Variants in KNTC1 observed in about 807,000 individuals in gnomAD.
KNTC1 encodes kinetochore associated 1.
In KNTC1, 253 loss-of-function variants were observed where a neutral mutation model predicts 314.4. That is an observed-to-expected ratio of 0.80 (90% CI 0.73 to 0.89). The LOEUF (loss-of-function observed/expected upper bound fraction) is 0.89. KNTC1 is among the 40% of genes least tolerant of loss of function. The pLI is 0.00. For missense variants in KNTC1, 2,475 were observed against 2,572.9 expected, an observed-to-expected ratio of 0.96 and a Z score of 0.82; for synonymous variants, 901 against 901.4, an observed-to-expected ratio of 1.00 and a Z score of 0.01.
intron 7 of KNTC1, 26 bp from the exon 8 acceptor site, chr12:122,544,133 T>C (rs1385177793): frequency 3.2e-6 from 3 of 931,738 alleles, no homozygotes; most frequent in African/African-American, 3.4e-5. Flanking sequence ...ATTATATATA[T>C]GACGTTGTTG....
intron 6 of KNTC1, among the ~76,000 whole-genome samples, chr12:122,542,976 G>C (rs1023153141): frequency 2.0e-5 from 3 of 152,086 alleles, no homozygotes; most frequent in South Asian, 4.2e-4. Flanking sequence ...ACAGTGGTAT[G>C]ATATCGGCTC....
Position 122,577,015 on chromosome 12 carries a change from A to C in KNTC1, c.2707A>C (p.Ile903Leu), listed in dbSNP as rs1195879620. ...CTACAGTCTAAGAATTATTGACCTGATTGATAGAGAACAGGTTTGTAAGTT... is the reference window on the plus strand; with the variant it reads ...CTACAGTCTAAGAATTATTGACCTGCTTGATAGAGAACAGGTTTGTAAGTT... ...EIYSLRIIDL[I>L]DREQGEDCLL... is the part of the protein sequence containing the mutation. The change falls in exon 30 of 64, where the codon ATT becomes CTT. Residue 903 changes from isoleucine to leucine, a missense_variant. Transcript: ENST00000333479. The C allele has an allele frequency of 1.3e-6, 2 of 1,548,768 alleles. No homozygotes were observed. The highest frequency in any genetic ancestry group is 2.5e-5 in the South Asian group (2 of 81,396).
chr12:122,624,762 C>T (rs766775741), intron 63 of KNTC1, 74 bp downstream of exon 63: 1 of 1,007,246 alleles, frequency 9.9e-7, no homozygotes, highest in Non-Finnish European at 1.6e-6. Flanking sequence ...ATTGACAAGC[C>T]TTTTCTAGTG....
intron 5 of KNTC1, 31 bp downstream of exon 5, chr12:122,539,785 C>CTTTT: frequency 4.1e-5 from 44 of 1,066,784 alleles, no homozygotes; most frequent in East Asian, 1.1e-4. Context: ...TTTTGAATGA[C>CTTTT]TTTTTTTTTT....
chr12:122,603,960 A>T (rs1295396990), intron 48 of KNTC1, among the ~76,000 whole-genome samples: 5 of 152,118 alleles, frequency 3.3e-5, no homozygotes, highest in Non-Finnish European at 1.5e-5. Context: ...CATAGAACGA[A>T]ATATTATGGG....
At chr12:122,598,771 ACAT>A (rs1871411147) in intron 44 of KNTC1, among the ~76,000 whole-genome samples, 1 of 151,820 alleles carries the variant, frequency 6.6e-6, no homozygotes, top group African/African-American at 2.4e-5. Context: ...TATGGATAAA[ACAT>A]GCCGTATTTA....
intron 18 of KNTC1, 22 bp from the exon 19 acceptor site, chr12:122,561,899 A>G: frequency 6.5e-7 from 1 of 1,537,700 alleles, no homozygotes. Flanking sequence ...TTCTAACTGT[A>G]TTTCTTATTA....
At position 122,549,839 on chromosome 12, in the gene KNTC1, C is replaced by T; in HGVS notation, c.1061C>T (p.Ser354Phe). The change falls in exon 13 of 64, where the codon TCT becomes TTT. Residue 354 changes from serine (S) to phenylalanine (F), a missense_variant. Ser to Phe is a radical substitution (Grantham distance 155, BLOSUM62 -2). Coordinates refer to ENST00000333479, the MANE Select transcript of KNTC1 (RefSeq NM_014708.6). The stretch of plus-strand genomic sequence containing the variant: ...TCTTTGGAAGTATCTAGTGTTTCTT[C>T]TCTGGTCCAAACAGGAATTAGCACA... Reference protein sequence around the residue: ...LYSLEVSSVSSLVQTGISTDT... With the variant: ...LYSLEVSSVSFLVQTGISTDT... 6.4e-7 allele frequency: 1 copy of T among 1,565,602 alleles called. No homozygotes were observed.
chr12:122,579,365 G>A (rs7316149), intron 31 of KNTC1, among the ~76,000 whole-genome samples: 119,110 of 152,080 alleles, frequency 0.78, 47,104 homozygotes, highest in African/African-American at 0.88. Context: ...CGCCCGGCCC[G>A]TAGTCTGTAT....
intron 24 of KNTC1, among the ~76,000 whole-genome samples, chr12:122,572,457 AGGTTGTGTCTGT>A (rs1441862656): frequency 2.6e-5 from 4 of 152,202 alleles, no homozygotes; most frequent in African/African-American, 7.2e-5. Flanking sequence ...TAGTTTTCAA[AGGTTGTGTCTGT>A]CAAGTCACCT....
chr12:122,562,599 T>TG (rs1565958529), intron 19 of KNTC1, 39 bp from the exon 20 acceptor site: 1 of 1,149,938 alleles, frequency 8.7e-7, no homozygotes, highest in Non-Finnish European at 1.3e-6. Context: ...TCAATATTGT[T>TG]GCATATAAAT....
At position 122,569,808 on chromosome 12, in the gene KNTC1, C is replaced by T. The variant is rs762176017; in HGVS notation, c.1844C>T (p.Thr615Ile). ...GATGTGATTCCATTTGTAAGAAGGA[C>T]TGTGCCTGAAGGACAGGTGAGTTGT... is the stretch of plus-strand genomic sequence containing the variant. Reference protein sequence around the residue: ...KNDVIPFVRRTVPEGQIILAK... With the variant: ...KNDVIPFVRRIVPEGQIILAK... The change falls in exon 22 of 64, where the codon ACT becomes ATT. Residue 615 changes from threonine to isoleucine, a missense_variant. By Grantham distance (89) the Thr-to-Ile change is moderately conservative. Transcript: ENST00000333479. 6.2e-6 allele frequency: 10 copies of T among 1,612,550 alleles called. No homozygotes were observed. Among genetic ancestry groups the T allele is most frequent in the African/African-American group, 4.0e-5 (3 of 74,906 alleles).
chr12:122,584,851 C>T (rs756032867), intron 35 of KNTC1, 42 bp from the exon 36 acceptor site: 6 of 1,000,088 alleles, frequency 6.0e-6, no homozygotes, highest in Admixed American at 4.0e-5. Context: ...ATCCTAAAGA[C>T]ATGAAATATG....
At chr12:122,550,163 G>A (rs1175097711) in intron 13 of KNTC1, among the ~76,000 whole-genome samples, 1 of 68,188 alleles carries the variant, frequency 1.5e-5, no homozygotes, top group Non-Finnish European at 2.7e-5. Flanking sequence ...GGAGACTATT[G>A]CTGTTACATA....
At chr12:122,532,095 G>A (rs1565924682) in intron 2 of KNTC1, among the ~76,000 whole-genome samples, 1 of 148,874 alleles carries the variant, frequency 6.7e-6, no homozygotes, top group Non-Finnish European at 1.5e-5. Context: ...GTACAGTGAT[G>A]TGATATTGAC....
chr12:122,539,390 A>G (rs1170692658), intron 4 of KNTC1, among the ~76,000 whole-genome samples: 1 of 152,194 alleles, frequency 6.6e-6, no homozygotes, highest in African/African-American at 2.4e-5. Flanking sequence ...CACAGCTTGG[A>G]TCCCGAATTC....
chr12:122,576,540 G>A (rs189413583), intron 29 of KNTC1, among the ~76,000 whole-genome samples: 4 of 152,148 alleles, frequency 2.6e-5, no homozygotes, highest in South Asian at 2.1e-4. Context: ...AATTAGCAGG[G>A]TGTGGTGGCA....
At chr12:122,540,064 G>A (rs550379366) in intron 5 of KNTC1, among the ~76,000 whole-genome samples, 3 of 151,796 alleles carry the variant, frequency 2.0e-5, no homozygotes, top group Non-Finnish European at 4.4e-5. Context: ...GATTACAGGC[G>A]TGAGCCACTG....
At position 122,546,630 on chromosome 12, in the gene KNTC1, A is replaced by C. The variant is rs1962786950; in HGVS notation, c.772A>C (p.Lys258Gln). 1 of 1,583,392 alleles carries C rather than the reference A, an allele frequency of 6.3e-7. No homozygotes were observed. Among genetic ancestry groups the C allele is most frequent in the African/African-American group, 1.3e-5 (1 of 74,554 alleles). ...IDAEIIKGAK[K>Q]FQLIDNLLFV... ...TATTTTCTCTTTTGTAGGTGCAAAG[A>C]AGTTCCAGCTGATAGACAATCTACT... The change falls in exon 10 of 64, where the codon AAG (lysine) becomes CAG (glutamine). Residue 258 changes from lysine to glutamine, a missense_variant. Physicochemically the swap from Lys to Gln is moderately conservative, Grantham distance 53. Transcript: ENST00000333479.
Sources: allele counts gnomAD v4.1 joint callset (sites outside exome capture counted in the v4.1 genomes callset), GRCh38; gene constraint gnomAD v4.1.1; transcripts MANE v1.5; gene names NCBI Gene and HGNC (gene_info 2026-07-23, HGNC 2026-07-21).